Variants in RANBP17 observed in about 807,000 individuals in gnomAD.
RANBP17 encodes ran-binding protein 17.
A neutral mutation model predicts 141.2 loss-of-function variants in RANBP17; 158 were observed. That is an observed-to-expected ratio of 1.12 (90% CI 0.98 to 1.28). The LOEUF (loss-of-function observed/expected upper bound fraction) is 1.28, where lower values mean the gene tolerates loss of function less well. Among genes scored for constraint, RANBP17 ranks in the 50% most tolerant of loss-of-function variants. RANBP17 has a pLI of 0.00. For missense variants in RANBP17, 1,438 were observed against 1,290.7 expected, an observed-to-expected ratio of 1.11 and a Z score of -1.75; for synonymous variants, 430 against 450.0, an observed-to-expected ratio of 0.96 and a Z score of 0.56.
At chr5:170,904,819 G>T (rs1274526857) in intron 5 of RANBP17, among the ~76,000 whole-genome samples, 1 of 151,930 alleles carries the variant, frequency 6.6e-6, no homozygotes, top group African/African-American at 2.4e-5. Flanking sequence ...TTTATATTTT[G>T]ATATTCTATT....
intron 14 of RANBP17, among the ~76,000 whole-genome samples, chr5:171,029,537 C>T (rs1172882967): frequency 1.3e-5 from 2 of 152,024 alleles, no homozygotes; most frequent in East Asian, 1.9e-4. Flanking sequence ...TGAATTCTTT[C>T]CTTTAATGTC....
At chr5:171,098,098 C>T (rs112850891) in intron 14 of RANBP17, among the ~76,000 whole-genome samples, 2 of 152,044 alleles carry the variant, frequency 1.3e-5, no homozygotes, top group Non-Finnish European at 1.5e-5. Context: ...AATAAACATA[C>T]GTATGCATGT....
intron 14 of RANBP17, among the ~76,000 whole-genome samples, chr5:170,976,365 T>C (rs1777380723): frequency 6.6e-6 from 1 of 152,196 alleles, no homozygotes; most frequent in Non-Finnish European, 1.5e-5. Flanking sequence ...AGATATCTTA[T>C]GGTCATGGAT....
intron 14 of RANBP17, among the ~76,000 whole-genome samples, chr5:171,147,847 T>C (rs1369712492): frequency 6.6e-6 from 1 of 152,060 alleles, no homozygotes. Flanking sequence ...TACTGGGAAG[T>C]GAGGAGCCCC....
At chr5:170,934,215 T>C (rs1417298433) in intron 12 of RANBP17, among the ~76,000 whole-genome samples, 1 of 152,244 alleles carries the variant, frequency 6.6e-6, no homozygotes, top group South Asian at 2.1e-4. Context: ...AAGTCTGTTT[T>C]ATCAGAGACT....
At chr5:171,237,304 G>A (rs1764604877) in intron 22 of RANBP17, among the ~76,000 whole-genome samples, 1 of 152,160 alleles carries the variant, frequency 6.6e-6, no homozygotes. Context: ...TTTCTAATAA[G>A]CCAAATTATG....
At chr5:171,167,917 T>A (rs1363027724) in intron 14 of RANBP17, among the ~76,000 whole-genome samples, 1 of 152,250 alleles carries the variant, frequency 6.6e-6, no homozygotes, top group East Asian at 1.9e-4. Context: ...TTCTATGTAT[T>A]TTGTCTGTAG....
rs1187735309 is a variant in RANBP17 at position 170,966,695 on chromosome 5, G to A, written c.1575-1547G>A. Among the ~76,000 whole-genome samples, 4 of 152,214 alleles carry A rather than the reference G, an allele frequency of 2.6e-5. No homozygotes were observed. The South Asian group carries it at 6.2e-4, about 24-fold the overall frequency. On this transcript the variant is annotated intron_variant, in intron 13 of 27. Coordinates refer to ENST00000523189, the MANE Select transcript of RANBP17 (RefSeq NM_022897.5). Reference sequence around the variant, plus strand: ...CATAGTGTTGGAAGTTCTGGCCAGGGCAATTAGGCAGGAGAAGGAAGTAAT... The same window carrying A: ...CATAGTGTTGGAAGTTCTGGCCAGGACAATTAGGCAGGAGAAGGAAGTAAT...
rs1288756819 is a variant in RANBP17, at chr5:171,205,220, T to A, written c.2143-304T>A. On this transcript the variant is annotated intron_variant, in intron 19 of 27. Transcript: ENST00000523189. ...CCTGTACATATCTGTTTTGTGTAAT[T>A]ATCAATCCTCATCTTTTTTTTCAGA... is the stretch of plus-strand genomic sequence containing the variant. Among the ~76,000 whole-genome samples the A allele has an allele frequency of 2.0e-5, 3 of 152,318 alleles. No individual in the cohort carries two copies. The South Asian group carries it at 6.2e-4, about 32-fold the overall frequency.
chr5:171,173,576 C>T (rs1410913262), intron 16 of RANBP17, among the ~76,000 whole-genome samples: 1 of 152,052 alleles, frequency 6.6e-6, no homozygotes, highest in African/African-American at 2.4e-5. Flanking sequence ...CAAAGCCAGT[C>T]TCTGAACTTT....
chr5:171,223,498 G>A (rs1449872316), intron 22 of RANBP17, among the ~76,000 whole-genome samples: 2 of 152,130 alleles, frequency 1.3e-5, no homozygotes, highest in Non-Finnish European at 2.9e-5. Flanking sequence ...AGCCAGGCGT[G>A]GTGGCGGGCA....
At chr5:170,876,193 G>A (rs1581028377) in intron 1 of RANBP17, among the ~76,000 whole-genome samples, 1 of 152,162 alleles carries the variant, frequency 6.6e-6, no homozygotes, top group Non-Finnish European at 1.5e-5. Flanking sequence ...CCCCTGCCCT[G>A]TGTGGCTCTC....
intron 14 of RANBP17, among the ~76,000 whole-genome samples, chr5:171,068,832 CGCCTCG>C (rs1561618170): frequency 6.6e-6 from 1 of 152,106 alleles, no homozygotes; most frequent in East Asian, 1.9e-4. Flanking sequence ...GTGATCTACT[CGCCTCG>C]GCCTCCCAAA....
Position 170,891,756 on chromosome 5 carries a change from C to G in RANBP17, c.257-631C>G, listed in dbSNP as rs916869923. 2.6e-5 allele frequency among the ~76,000 whole-genome samples: 4 copies of G among 152,076 alleles called. No individual in the cohort carries two copies. In the East Asian group the frequency reaches 7.7e-4, roughly 29 times the overall value. The stretch of plus-strand genomic sequence containing the variant: ...AGAACATCAAGATGGAAATCTGCAC[C>G]TATAATCCAATCACCTCCCAACAGG... On this transcript the variant is annotated intron_variant, in intron 3 of 27. Transcript: ENST00000523189.
At chr5:171,289,177 C>T (rs1302156955) in intron 25 of RANBP17, among the ~76,000 whole-genome samples, 1 of 152,134 alleles carries the variant, frequency 6.6e-6, no homozygotes, top group Non-Finnish European at 1.5e-5. Flanking sequence ...GGATACAGTA[C>T]CACAGGAGTT....
intron 14 of RANBP17, among the ~76,000 whole-genome samples, chr5:171,079,791 A>G (rs1314144859): frequency 6.6e-6 from 1 of 152,248 alleles, no homozygotes; most frequent in Non-Finnish European, 1.5e-5. Flanking sequence ...ATGTAAATGC[A>G]ACAATTTTTT....
intron 14 of RANBP17, among the ~76,000 whole-genome samples, chr5:171,138,897 G>A (rs958131756): frequency 6.6e-5 from 10 of 152,040 alleles, no homozygotes; most frequent in Non-Finnish European, 1.0e-4. Flanking sequence ...ACAACATAAT[G>A]AGTCGTCATC....
intron 13 of RANBP17, among the ~76,000 whole-genome samples, chr5:170,964,491 C>T (rs1341827996): frequency 1.3e-5 from 2 of 152,018 alleles, no homozygotes; most frequent in African/African-American, 4.8e-5. Context: ...TGGTGTGCTG[C>T]ACCCATCAAC....
intron 14 of RANBP17, among the ~76,000 whole-genome samples, chr5:171,160,145 T>C (rs1171431474): frequency 1.3e-5 from 2 of 152,164 alleles, no homozygotes; most frequent in East Asian, 1.9e-4. Context: ...AGATAAGTTC[T>C]TGAGATAAAA....
Sources: gnomAD v4.1 joint callset for allele counts (sites outside exome capture counted in the v4.1 genomes callset) on GRCh38, gnomAD v4.1.1 for gene constraint, MANE v1.5 for transcripts, NCBI Gene and HGNC (gene_info 2026-07-23, HGNC 2026-07-21) for gene names.